The following ZNF407 variants were observed in gnomAD, a reference collection of about 807,000 sequenced individuals.
ZNF407 encodes zinc finger protein 407.
In ZNF407, 17 loss-of-function variants were observed where a neutral mutation model predicts 131.2. The observed-to-expected ratio is 0.13, with a 90% CI of 0.09 to 0.19. ZNF407 has a LOEUF of 0.19. Among genes scored for constraint, ZNF407 ranks in the 10% least tolerant of loss-of-function variants. The pLI is 1.00. For missense variants in ZNF407, 2,681 were observed against 2,830.6 expected, an observed-to-expected ratio of 0.95 and a Z score of 1.20; for synonymous variants, 1,156 against 1,062.0, an observed-to-expected ratio of 1.09 and a Z score of -1.72.
intron 7 of ZNF407, among the ~76,000 whole-genome samples, chr18:74,903,621 G>A (rs1464155237): frequency 1.3e-5 from 2 of 152,106 alleles, no homozygotes; most frequent in African/African-American, 2.4e-5. Flanking sequence ...TACACCTAGT[G>A]AGTTAACAGA....
chr18:74,816,983 T>C (rs1970276209), intron 4 of ZNF407, among the ~76,000 whole-genome samples: 1 of 152,178 alleles, frequency 6.6e-6, no homozygotes, highest in Non-Finnish European at 1.5e-5. Context: ...GAATAAAATC[T>C]TGTTGTTATT....
chr18:74,765,841 C>T (rs1021900484), intron 3 of ZNF407, among the ~76,000 whole-genome samples: 4 of 152,148 alleles, frequency 2.6e-5, no homozygotes, highest in Non-Finnish European at 5.9e-5. Flanking sequence ...CATTGTCTTT[C>T]TTTACCTGAT....
At chr18:74,969,694 A>G (rs905651832) in intron 8 of ZNF407, among the ~76,000 whole-genome samples, 20 of 152,330 alleles carry the variant, frequency 1.3e-4, no homozygotes, top group African/African-American at 4.3e-4. Context: ...TGGGCCCTCA[A>G]GACCAAGGAG....
chr18:74,816,055 G>A (rs1970263648), intron 4 of ZNF407, among the ~76,000 whole-genome samples: 1 of 152,158 alleles, frequency 6.6e-6, no homozygotes, highest in Admixed American at 6.5e-5. Context: ...TTATGCTCAT[G>A]AGTGTCCAAA....
chr18:75,010,522 C>T (rs1433853977), intron 8 of ZNF407, among the ~76,000 whole-genome samples: 1 of 152,108 alleles, frequency 6.6e-6, no homozygotes, highest in Non-Finnish European at 1.5e-5. Context: ...ATGCCAGGCA[C>T]GTTATTTTTT....
At chr18:74,721,336 A>G (rs1395886494) in intron 3 of ZNF407, among the ~76,000 whole-genome samples, 1 of 152,178 alleles carries the variant, frequency 6.6e-6, no homozygotes, top group African/African-American at 2.4e-5. Context: ...CTGGAACAAG[A>G]CAACGATGCC....
intron 4 of ZNF407, among the ~76,000 whole-genome samples, chr18:74,836,563 C>T (rs1970562480): frequency 6.6e-6 from 1 of 152,216 alleles, no homozygotes; most frequent in African/African-American, 2.4e-5. Flanking sequence ...TGCAGCTTCC[C>T]TGTGCCCAGT....
intron 4 of ZNF407, among the ~76,000 whole-genome samples, chr18:74,833,100 A>G (rs17055713): frequency 0.08 from 12,191 of 152,222 alleles, 629 homozygotes; most frequent in South Asian, 0.17. Flanking sequence ...TGAGGAGACA[A>G]ACTGAGTTTC....
intron 3 of ZNF407, among the ~76,000 whole-genome samples, chr18:74,666,882 G>A (rs921708033): frequency 7.2e-6 from 1 of 139,592 alleles, no homozygotes; most frequent in Admixed American, 7.5e-5. Flanking sequence ...AACACACTGA[G>A]CTGTGTAGAG....
At chr18:74,699,401 G>T (rs1967439484) in intron 3 of ZNF407, among the ~76,000 whole-genome samples, 1 of 152,078 alleles carries the variant, frequency 6.6e-6, no homozygotes, top group Admixed American at 6.5e-5. Context: ...GGAGTGCTGG[G>T]GTCTGATAAC....
At chr18:74,881,966 G>A (rs1971244994) in intron 6 of ZNF407, among the ~76,000 whole-genome samples, 1 of 152,158 alleles carries the variant, frequency 6.6e-6, no homozygotes, top group Non-Finnish European at 1.5e-5. Context: ...AAGAGAGCTT[G>A]CATGGGGAAA....
chr18:74,886,755 T>C (rs1237586711), intron 6 of ZNF407, among the ~76,000 whole-genome samples: 2 of 152,158 alleles, frequency 1.3e-5, no homozygotes, highest in Non-Finnish European at 2.9e-5. Flanking sequence ...ACAGGGAACC[T>C]TGAAGTTAAA....
intron 8 of ZNF407, among the ~76,000 whole-genome samples, chr18:74,922,957 C>G (rs1410672481): frequency 6.6e-6 from 1 of 152,156 alleles, no homozygotes; most frequent in Non-Finnish European, 1.5e-5. Context: ...TGATGCCTAC[C>G]ACACAGAATG....
chr18:74,663,584 G>A (rs997564761), intron 3 of ZNF407, among the ~76,000 whole-genome samples: 1 of 152,144 alleles, frequency 6.6e-6, no homozygotes, highest in African/African-American at 2.4e-5. Context: ...GAAATTTCAC[G>A]ATAACAAACT....
chr18:74,632,536 C>T lies in ZNF407; in HGVS notation c.1517C>T (p.Ala506Val). ...GAGGCAGAGCAGGGCCAGGGGAGTG[C>T]CCGTCCTCCGGACTCCGGGCTGCAT... ...TQEAEQGQGS[A>V]RPPDSGLHSL... The change falls in exon 2 of 9, where the codon GCC (alanine) becomes GTC (valine). Residue 506 changes from alanine (A) to valine (V), a missense_variant. Transcript: ENST00000299687. The T allele has an allele frequency of 6.2e-7, 1 of 1,614,010 alleles. No individual in the cohort carries two copies. Among genetic ancestry groups the T allele is most frequent in the Non-Finnish European group, 8.5e-7 (1 of 1,179,892 alleles).
Position 74,748,905 on chromosome 18 carries a change from G to A in ZNF407, c.4803-32523G>A, listed in dbSNP as rs1336756786. On this transcript the variant is annotated intron_variant, in intron 3 of 8. Coordinates refer to ENST00000299687, the MANE Select transcript of ZNF407 (RefSeq NM_017757.3). ...GTGTTATCACCTCCTGTAACTGAAA[G>A]TGCTCCCAGAAGCCAGTTTGTGTTG... Among the ~76,000 whole-genome samples, 10 of 152,132 alleles carry A rather than the reference G, an allele frequency of 6.6e-5. No homozygotes were observed. The East Asian group carries it at 1.3e-3, about 21-fold the overall frequency.
chr18:74,818,251 C>T (rs79689302), intron 4 of ZNF407, among the ~76,000 whole-genome samples: 17 of 152,340 alleles, frequency 1.1e-4, no homozygotes, highest in African/African-American at 3.4e-4. Context: ...CAGGCATTCT[C>T]TCTCGAGCAT....
At chr18:74,863,467 A>C (rs1448099861) in intron 4 of ZNF407, among the ~76,000 whole-genome samples, 1 of 151,922 alleles carries the variant, frequency 6.6e-6, no homozygotes, top group Non-Finnish European at 1.5e-5. Flanking sequence ...TACCACCTCC[A>C]GTTCTTAGCT....
intron 1 of ZNF407, among the ~76,000 whole-genome samples, chr18:74,609,271 A>G (rs972018489): frequency 8.5e-5 from 13 of 152,124 alleles, no homozygotes; most frequent in African/African-American, 2.9e-4. Flanking sequence ...GGGGGGATAC[A>G]TTCTTGAGAA....
Sources: allele counts gnomAD v4.1 joint callset (sites outside exome capture counted in the v4.1 genomes callset), GRCh38; gene constraint gnomAD v4.1.1; transcripts MANE v1.5; gene names NCBI Gene and HGNC (gene_info 2026-07-23, HGNC 2026-07-21).